The following EDNRB variants were observed in gnomAD, a reference collection of about 807,000 sequenced individuals.
EDNRB encodes Hirschsprung disease 2.
Under a neutral mutation model 46.4 loss-of-function variants are expected in EDNRB, and 18 were observed. That is an observed-to-expected ratio of 0.39 (90% confidence interval 0.27 to 0.57). The LOEUF is 0.57. Ranked by LOEUF, EDNRB falls within the 20% of genes least tolerant of loss-of-function variation. The pLI, the probability that EDNRB is intolerant of heterozygous loss-of-function variation, is 0.61. For synonymous variants in EDNRB, 213 were observed against 204.9 expected (o/e 1.04, Z -0.34); for missense variants, 434 against 537.5 (o/e 0.81, Z 1.90).
At chr13:77,939,092 T>C (rs545786761) in intron 1 of EDNRB, 20 of 151,928 alleles carry the variant, frequency 1.3e-4, no homozygotes, top group African/African-American at 4.3e-4. Flanking sequence ...TAAAGGGAGA[T>C]AGGGGTGGGG....
intron 1 of EDNRB, among the ~76,000 whole-genome samples, chr13:77,942,579 G>T (rs1041120966): frequency 1.3e-5 from 2 of 152,188 alleles, no homozygotes; most frequent in African/African-American, 4.8e-5. Context: ...TAAGGGAGAC[G>T]ATTTGAATCA....
intron 3 of EDNRB, among the ~76,000 whole-genome samples, chr13:77,901,938 T>TC (rs879786006): frequency 6.6e-5 from 10 of 151,978 alleles, no homozygotes; most frequent in Non-Finnish European, 1.2e-4. Context: ...CCTTATATAT[T>TC]CAATAGAAAA....
chr13:77,926,354 A>G (rs1189976224), intron 1 of EDNRB, among the ~76,000 whole-genome samples: 1 of 152,230 alleles, frequency 6.6e-6, no homozygotes, highest in Non-Finnish European at 1.5e-5. Flanking sequence ...GAATGCTTTT[A>G]ACAGCACCTA....
At position 77,897,957 on chromosome 13, in the gene EDNRB, CTGTAAAAAATTAAGTGCT is replaced by C; in HGVS notation, c.*225_*242del. On this transcript the variant is annotated 3_prime_UTR_variant, in exon 7 of 7. Transcript: ENST00000646607. ...GTTAAGAGCTATGTTGAAGTGCTAA[CTGTAAAAAATTAAGTGCT>C]TTCACGACGAGGCTTTCTTAATTCC... 4 of 1,280,552 alleles carry C rather than the reference CTGTAAAAAATTAAGTGCT, an allele frequency of 3.1e-6. No individual in the cohort carries two copies. Among genetic ancestry groups the C allele is most frequent in the South Asian group, 3.3e-5 (2 of 60,676 alleles). 79.3% of individuals were successfully genotyped at this position (1,280,552 alleles called of 1,614,324 possible). A position where few individuals can be genotyped will look rare whatever the true frequency, so the allele number is the denominator to read the frequency against.
intron 1 of EDNRB, among the ~76,000 whole-genome samples, chr13:77,908,088 C>T (rs1879381252): frequency 7.0e-6 from 1 of 143,308 alleles, no homozygotes; most frequent in African/African-American, 2.5e-5. Flanking sequence ...GCATTTCATG[C>T]TTTCAATTTA....
At chr13:77,919,347 A>C (rs560059008), upstream of EDNRB, 1 of 1,569,424 alleles carries the variant, frequency 6.4e-7, no homozygotes, top group South Asian at 1.1e-5. Flanking sequence ...GAAGCCCCAG[A>C]ATAAGGTTCA....
In EDNRB at chr13:77,896,783, C is replaced by T; in HGVS notation, c.*1417G>A. The T allele has an allele frequency of 3.1e-6, 4 of 1,301,486 alleles. No homozygotes were observed. Among genetic ancestry groups the T allele is most frequent in the Non-Finnish European group, 3.9e-6 (4 of 1,024,092 alleles). 80.6% of individuals were successfully genotyped at this position (1,301,486 alleles called of 1,614,324 possible). A position where few individuals can be genotyped will look rare whatever the true frequency, so the allele number is the denominator to read the frequency against. ...TCCAACCCCACCTCATTTCCTCTCT[C>T]TTCCGTTTTCTCTTGTACATACTTT... On this transcript the variant is annotated 3_prime_UTR_variant, in exon 7 of 7. Transcript: ENST00000646607.
chr13:77,904,296 G>A (rs1879161114), intron 1 of EDNRB, among the ~76,000 whole-genome samples: 1 of 151,910 alleles, frequency 6.6e-6, no homozygotes, highest in African/African-American at 2.4e-5. Flanking sequence ...CACACTATTA[G>A]ATACCGTAAC....
At chr13:77,970,949 G>A (rs191695808) in intron 1 of EDNRB, among the ~76,000 whole-genome samples, 1 of 152,266 alleles carries the variant, frequency 6.6e-6, no homozygotes, top group Non-Finnish European at 1.5e-5. Context: ...CTTGTGATGA[G>A]TTTCTTCATG....
chr13:77,966,076 A>G (rs953574975), intron 1 of EDNRB, among the ~76,000 whole-genome samples: 2 of 151,898 alleles, frequency 1.3e-5, no homozygotes, highest in African/African-American at 4.8e-5. Flanking sequence ...TTTTGAAGAG[A>G]TAGAGTCTTG....
At chr13:77,926,800 T>C (rs1329658896) in intron 1 of EDNRB, among the ~76,000 whole-genome samples, 6 of 152,208 alleles carry the variant, frequency 3.9e-5, no homozygotes, top group African/African-American at 1.4e-4. Context: ...AAAGATATAC[T>C]GAGACTGGGA....
upstream of EDNRB, chr13:77,919,673 A>T: frequency 6.7e-7 from 1 of 1,503,186 alleles, no homozygotes; most frequent in Non-Finnish European, 9.0e-7. Flanking sequence ...CCCCGCTGCA[A>T]CCTTTCCCCT....
intron 1 of EDNRB, among the ~76,000 whole-genome samples, chr13:77,946,847 T>G (rs948514860): frequency 4.6e-5 from 7 of 152,328 alleles, no homozygotes; most frequent in Admixed American, 2.0e-4. Context: ...GTTATTTCCA[T>G]AAAAATCACC....
intron 1 of EDNRB, among the ~76,000 whole-genome samples, chr13:77,942,949 G>T (rs1594388445): frequency 6.6e-6 from 1 of 152,076 alleles, no homozygotes; most frequent in East Asian, 1.9e-4. Flanking sequence ...GCAAAGATCT[G>T]CCTAATACAT....
chr13:77,941,479 T>C lies in EDNRB; in HGVS notation c.-51-22855A>G, dbSNP rs968703777. Among the ~76,000 whole-genome samples the C allele has an allele frequency of 2.6e-5, 4 of 152,248 alleles. 1 individual carries two copies. The highest frequency in any genetic ancestry group is 5.9e-5 in the Non-Finnish European group (4 of 68,036). On this transcript the variant is annotated intron_variant, in intron 1 of 7. Coordinates refer to the EDNRB transcript ENST00000646948. ...ATCATCTACTCTTTAACTTACATAATGACCAGATTCTTCTAGTGATTTATC... is the reference window on the plus strand; with the variant it reads ...ATCATCTACTCTTTAACTTACATAACGACCAGATTCTTCTAGTGATTTATC...
chr13:77,914,429 G>A (rs562075293), intron 1 of EDNRB, among the ~76,000 whole-genome samples: 4 of 152,008 alleles, frequency 2.6e-5, no homozygotes, highest in Admixed American at 6.5e-5. Flanking sequence ...ACATGTACAC[G>A]TGCATATATA....
intron 1 of EDNRB, among the ~76,000 whole-genome samples, chr13:77,936,530 C>T (rs1295042853): frequency 6.6e-6 from 1 of 152,132 alleles, no homozygotes; most frequent in Non-Finnish European, 1.5e-5. Context: ...GTGAGAATTA[C>T]TTAGAGCATC....
upstream of EDNRB, chr13:77,919,723 G>T: frequency 9.2e-7 from 1 of 1,091,224 alleles, no homozygotes; most frequent in Non-Finnish European, 1.3e-6. Context: ...GTTGCCCGAG[G>T]GAGGGGGGCA....
chr13:77,897,250 T>C lies in EDNRB; in HGVS notation c.*950A>G. On this transcript the variant is annotated 3_prime_UTR_variant, in exon 7 of 7. Coordinates refer to ENST00000646607, the MANE Select transcript of EDNRB (RefSeq NM_001122659.3). Reference sequence around the variant, plus strand: ...CATTTAATCATCTACATGCAGTGTATGTAGGTAAGTATTTACAGATGACAA... The same window carrying C: ...CATTTAATCATCTACATGCAGTGTACGTAGGTAAGTATTTACAGATGACAA... 1.0e-6 allele frequency: 1 copy of C among 985,200 alleles called. No homozygotes were observed. The allele number at this position is 985,200 out of a possible 1,614,324, so 61.0% of individuals were successfully genotyped here.
Sources: gnomAD v4.1 joint callset for allele counts (sites outside exome capture counted in the v4.1 genomes callset) on GRCh38, gnomAD v4.1.1 for gene constraint, MANE v1.5 for transcripts, NCBI Gene and HGNC (gene_info 2026-07-23, HGNC 2026-07-21) for gene names.